TRIM37: variants seen among roughly 807,000 people sequenced by gnomAD.
TRIM37 encodes the protein E3 ubiquitin-protein ligase TRIM37.
TRIM37 carries 80 observed loss-of-function variants against 129.8 expected under a neutral mutation model. The observed-to-expected ratio is 0.62, with a 90% CI of 0.51 to 0.74. The LOEUF is 0.74. Ranked by LOEUF, TRIM37 falls within the 30% of genes least tolerant of loss-of-function variation. The probability of loss-of-function intolerance (pLI) is 0.00; values close to 1 mark genes in which losing one functional copy is unlikely to be tolerated. For synonymous variants in TRIM37, 389 were observed against 387.1 expected (o/e 1.00, Z -0.06); for missense variants, 1,054 against 1,176.5 (o/e 0.90, Z 1.52).
chr17:59,050,660 C>T (rs903974881), intron 14 of TRIM37, among the ~76,000 whole-genome samples: 7 of 151,210 alleles, frequency 4.6e-5, no homozygotes, highest in African/African-American at 1.5e-4. Context: ...AGAGTGAGTC[C>T]GACCTGTCTC....
At position 58,988,607 on chromosome 17, in the gene TRIM37, C is replaced by T. The variant is rs573700373; in HGVS notation, c.2892-5686G>A. ...CTAAAACTGCAACCTAATCCAAGAACGCCAGCCCCTCCCCAGCCCCCGTTA... is the reference window on the plus strand; with the variant it reads ...CTAAAACTGCAACCTAATCCAAGAATGCCAGCCCCTCCCCAGCCCCCGTTA... On this transcript the variant is annotated intron_variant, in intron 24 of 24. Coordinates refer to the TRIM37 transcript ENST00000393066. Among the ~76,000 whole-genome samples, 5 of 152,234 alleles carry T rather than the reference C, an allele frequency of 3.3e-5. No individual in the cohort carries two copies. The East Asian group carries it at 5.8e-4, about 18-fold the overall frequency.
At chr17:59,002,897 G>A (rs1288709114) in intron 22 of TRIM37, among the ~76,000 whole-genome samples, 1 of 151,872 alleles carries the variant, frequency 6.6e-6, no homozygotes, top group Non-Finnish European at 1.5e-5. Flanking sequence ...ATTTTTGTTT[G>A]TTTTCTTGAG....
chr17:58,994,327 T>C (rs1339916029), downstream of TRIM37, among the ~76,000 whole-genome samples: 1 of 152,172 alleles, frequency 6.6e-6, no homozygotes, highest in Non-Finnish European at 1.5e-5. Flanking sequence ...CAACCAACAA[T>C]AGACAGAATT....
chr17:59,012,215 C>CCAGCAGCAGCAG (rs749441889), intron 22 of TRIM37, 113 bp downstream of exon 22: 144 of 567,090 alleles, frequency 2.5e-4, no homozygotes, highest in African/African-American at 8.8e-4. Context: ...ATCACTACCA[C>CCAGCAGCAGCAG]CAGCAGCAGC....
At chr17:58,985,454 G>A (rs1004021080) in intron 24 of TRIM37, among the ~76,000 whole-genome samples, 5 of 152,144 alleles carry the variant, frequency 3.3e-5, no homozygotes, top group African/African-American at 1.2e-4. Context: ...GACCTGCCAA[G>A]GACTAAGCGG....
intron 9 of TRIM37, among the ~76,000 whole-genome samples, chr17:59,068,399 C>T (rs1375534364): frequency 6.6e-6 from 1 of 152,186 alleles, no homozygotes. Context: ...ATAGCCCTGA[C>T]TTAGGTCATC....
intron 22 of TRIM37, among the ~76,000 whole-genome samples, chr17:59,009,443 C>CTTTTTTTTTT (rs61545184): frequency 9.3e-6 from 1 of 107,622 alleles, no homozygotes; most frequent in African/African-American, 3.2e-5. Flanking sequence ...AATTTCTTTT[C>CTTTTTTTTTT]TTTTTTTTTT....
At chr17:58,972,316 T>C in the TRIM37 span, 1 of 1,561,344 alleles carries the variant, frequency 6.4e-7, no homozygotes, top group Non-Finnish European at 8.7e-7. Flanking sequence ...GCTCTAGTTA[T>C]TAGTTTAGAT....
intron 21 of TRIM37, among the ~76,000 whole-genome samples, chr17:59,012,976 C>T (rs1461873973): frequency 6.6e-6 from 1 of 151,938 alleles, no homozygotes; most frequent in Non-Finnish European, 1.5e-5. Flanking sequence ...TATTGTACTA[C>T]AGTTTTGCAA....
chr17:59,056,834 T>TC (rs1555673600), intron 13 of TRIM37, 41 bp downstream of exon 13: 2 of 1,551,510 alleles, frequency 1.3e-6, no homozygotes, highest in East Asian at 4.5e-5. Context: ...TGATATTATT[T>TC]CCCCACAATA....
At chr17:59,041,580 G>A (rs1327032876) in intron 17 of TRIM37, among the ~76,000 whole-genome samples, 1 of 152,064 alleles carries the variant, frequency 6.6e-6, no homozygotes, top group Non-Finnish European at 1.5e-5. Flanking sequence ...TTAATATAAG[G>A]TACTTAAAGT....
chr17:59,012,449 C>CA lies in TRIM37; in HGVS notation c.2577-4dup. On this transcript the variant is annotated splice_region_variant and splice_polypyrimidine_tract_variant and intron_variant, in intron 21 of 23. Coordinates refer to ENST00000262294, the MANE Select transcript of TRIM37 (RefSeq NM_015294.6). The stretch of plus-strand genomic sequence containing the variant: ...GATGACCTCCTTTAGCATTAGCCCT[C>CA]AAAGAAGAAAACAACTTGATATTTC... 1.3e-6 allele frequency: 2 copies of CA among 1,582,618 alleles called. No individual in the cohort carries two copies. The highest frequency in any genetic ancestry group is 1.7e-6 in the Non-Finnish European group (2 of 1,156,938).
At chr17:59,090,966 A>T (rs1249227584) in intron 3 of TRIM37, among the ~76,000 whole-genome samples, 1 of 152,042 alleles carries the variant, frequency 6.6e-6, no homozygotes, top group Non-Finnish European at 1.5e-5. Flanking sequence ...AAACATTAAA[A>T]TTTTTTGCTT....
chr17:59,068,352 T>C (rs79923768), intron 9 of TRIM37, among the ~76,000 whole-genome samples: 4,781 of 152,350 alleles, frequency 0.031, 118 homozygotes, highest in Non-Finnish European at 0.048. Context: ...TCTGGGGACA[T>C]TGGCCTGGGA....
intron 8 of TRIM37, among the ~76,000 whole-genome samples, chr17:59,071,659 C>T (rs181664370): frequency 6.6e-6 from 1 of 152,170 alleles, no homozygotes; most frequent in African/African-American, 2.4e-5. Context: ...ACACATACAC[C>T]CGTGTGTACA....
chr17:59,028,591 T>C lies in TRIM37; in HGVS notation c.2081A>G (p.Asn694Ser), dbSNP rs763400378. The change falls in exon 19 of 24, where the codon AAT becomes AGT. Residue 694 changes from asparagine to serine, a missense_variant. Transcript: ENST00000262294. ...EVRCMKTDVK[N>S]TLSEIKSSSA... is the part of the protein sequence containing the mutation. ...GCTGCTTTTTATTTCTGAAAGTGTATTCTTTACATCAGTTTTCATACATCG... is the reference window on the plus strand; with the variant it reads ...GCTGCTTTTTATTTCTGAAAGTGTACTCTTTACATCAGTTTTCATACATCG... 3.1e-6 allele frequency: 5 copies of C among 1,614,240 alleles called. No individual in the cohort carries two copies. The East Asian group carries it at 6.7e-5, about 22-fold the overall frequency.
Position 59,028,567 on chromosome 17 carries a change from CT to C in TRIM37, c.2104del (p.Ser702AlafsTer67). ...CTGCATGTCTCCAGAAGCAGCACTG[CT>C]GCTTTTTATTTCTGAAAGTGTATTC... ...VKNTLSEIKS[S>X]SAASGDMQTS... On this transcript the variant is annotated frameshift_variant, in exon 19 of 24. Transcript: ENST00000262294. LOFTEE classifies it high-confidence loss of function. 6.2e-7 allele frequency: 1 copy of C among 1,614,230 alleles called. No homozygotes were observed. Among genetic ancestry groups the C allele is most frequent in the Non-Finnish European group, 8.5e-7 (1 of 1,180,042 alleles).
At chr17:58,972,356 T>G in the TRIM37 span, 1 of 432,948 alleles carries the variant, frequency 2.3e-6, no homozygotes, top group Non-Finnish European at 3.3e-6. Context: ...ATTCACTTAC[T>G]TTTTTTTTTT....
At chr17:59,071,689 T>C (rs1003242110) in intron 8 of TRIM37, among the ~76,000 whole-genome samples, 16 of 150,874 alleles carry the variant, frequency 1.1e-4, no homozygotes, top group African/African-American at 3.6e-4. Context: ...ACGCACTATC[T>C]GATACTAATT....
Sources: gnomAD v4.1 joint callset for allele counts (sites outside exome capture counted in the v4.1 genomes callset) on GRCh38, gnomAD v4.1.1 for gene constraint, MANE v1.5 for transcripts, NCBI Gene and HGNC (gene_info 2026-07-23, HGNC 2026-07-21) for gene names.